Variants in UTRN observed in about 807,000 individuals in gnomAD.
UTRN encodes dystrophin-related protein 1.
UTRN carries 283 observed loss-of-function variants against 463.9 expected under a neutral mutation model. That is an observed-to-expected ratio of 0.61 (90% CI 0.55 to 0.67). UTRN has a LOEUF of 0.67. Among genes scored for constraint, UTRN ranks in the 30% least tolerant of loss-of-function variants. The pLI is 0.00. For synonymous variants in UTRN, 1,442 were observed against 1,431.5 expected, an observed-to-expected ratio of 1.01 and a Z score of -0.17; for missense variants, 3,922 against 4,084.3, an observed-to-expected ratio of 0.96 and a Z score of 1.08.
At chr6:144,470,732 G>A (rs1443439233) in intron 23 of UTRN, among the ~76,000 whole-genome samples, 4 of 152,094 alleles carry the variant, frequency 2.6e-5, no homozygotes, top group Middle Eastern at 3.4e-3. Flanking sequence ...TCCAGCCTGG[G>A]CAACATTGAG....
At chr6:144,473,933 A>G in intron 24 of UTRN, 100 bp downstream of exon 24, 1 of 702,888 alleles carries the variant, frequency 1.4e-6, no homozygotes, top group East Asian at 2.8e-5. Flanking sequence ...ATAGCATAGC[A>G]TTACATCTAG....
chr6:144,564,496 G>A (rs771219101), intron 50 of UTRN, among the ~76,000 whole-genome samples: 65 of 152,134 alleles, frequency 4.3e-4, no homozygotes, highest in Non-Finnish European at 7.9e-4. Context: ...GTATTAGTCC[G>A]TTTTCATACT....
chr6:144,497,487 C>T (rs1585020783), intron 33 of UTRN, among the ~76,000 whole-genome samples: 1 of 122,380 alleles, frequency 8.2e-6, no homozygotes, highest in Non-Finnish European at 1.7e-5. Flanking sequence ...CCAGCCTGGT[C>T]AACATGGCAA....
intron 39 of UTRN, among the ~76,000 whole-genome samples, chr6:144,521,288 A>AC (rs773051983): frequency 4.0e-5 from 6 of 151,588 alleles, no homozygotes; most frequent in African/African-American, 1.5e-4. Context: ...TCTGTCCTGC[A>AC]CCCCCCCAAA....
At chr6:144,850,423 A>C (rs1782392132) in intron 74 of UTRN, among the ~76,000 whole-genome samples, 1 of 152,116 alleles carries the variant, frequency 6.6e-6, no homozygotes, top group Admixed American at 6.5e-5. Flanking sequence ...CTAATTTCAA[A>C]ATCCTTTTAG....
intron 51 of UTRN, among the ~76,000 whole-genome samples, chr6:144,599,341 C>T (rs973960054): frequency 1.3e-5 from 2 of 152,034 alleles, no homozygotes; most frequent in African/African-American, 4.8e-5. Context: ...AGAGGTTAAA[C>T]AAATAATTAA....
intron 72 of UTRN, among the ~76,000 whole-genome samples, chr6:144,839,840 TTTG>T (rs1450464311): frequency 6.6e-6 from 1 of 152,150 alleles, no homozygotes; most frequent in Non-Finnish European, 1.5e-5. Flanking sequence ...CCAATGACAT[TTTG>T]TTATCAATTA....
chr6:144,615,688 T>G (rs1238180780), intron 51 of UTRN, among the ~76,000 whole-genome samples: 1 of 152,180 alleles, frequency 6.6e-6, no homozygotes, highest in African/African-American at 2.4e-5. Flanking sequence ...ATTTTCATGG[T>G]TAATCCATCA....
intron 51 of UTRN, among the ~76,000 whole-genome samples, chr6:144,641,258 G>A (rs969480951): frequency 6.6e-6 from 1 of 152,038 alleles, no homozygotes; most frequent in Non-Finnish European, 1.5e-5. Context: ...TGGAAGGGTG[G>A]GACAACTCAA....
chr6:144,471,111 A>AGAGGGG (rs1562451245), intron 23 of UTRN, among the ~76,000 whole-genome samples: 1 of 126,318 alleles, frequency 7.9e-6, no homozygotes, highest in African/African-American at 3.4e-5. Context: ...AGGGAGAGGG[A>AGAGGGG]TCTGTTTCTT....
chr6:144,782,248 A>T, intron 61 of UTRN, 125 bp downstream of exon 61: 1 of 814,224 alleles, frequency 1.2e-6, no homozygotes, highest in Non-Finnish European at 1.8e-6. Context: ...GGAAATATTT[A>T]TGTTTGTTGT....
At chr6:144,343,432 C>T (rs1777307175) in intron 2 of UTRN, among the ~76,000 whole-genome samples, 1 of 148,258 alleles carries the variant, frequency 6.7e-6, no homozygotes, top group Admixed American at 6.6e-5. Flanking sequence ...TGGTGGTGGG[C>T]ACCTGTAATC....
At chr6:144,395,401 GTTTT>G (rs397960296) in intron 2 of UTRN, among the ~76,000 whole-genome samples, 3 of 127,774 alleles carry the variant, frequency 2.3e-5, no homozygotes, top group Non-Finnish European at 3.4e-5. Flanking sequence ...AAGATGTTGA[GTTTT>G]TTTTTTTTTT....
intron 65 of UTRN, among the ~76,000 whole-genome samples, chr6:144,808,019 G>C (rs1778294646): frequency 6.6e-6 from 1 of 152,038 alleles, no homozygotes; most frequent in Admixed American, 6.6e-5. Context: ...CAAAGTTAAT[G>C]GTATGGATTT....
intron 73 of UTRN, 73 bp downstream of exon 73, chr6:144,840,905 C>G (rs1781518806): frequency 6.6e-7 from 1 of 1,506,806 alleles, no homozygotes; most frequent in East Asian, 2.3e-5. Context: ...TGCGGCCCTT[C>G]GCCTTCTTCC....
chr6:144,421,724 T>A (rs1380180387), intron 3 of UTRN, among the ~76,000 whole-genome samples, 154 bp from the exon 4 acceptor site: 2 of 150,296 alleles, frequency 1.3e-5, no homozygotes, highest in African/African-American at 5.0e-5. Context: ...AATAAATAAA[T>A]AAAAACCCCC....
At chr6:144,410,074 C>G (rs1247150217) in intron 3 of UTRN, among the ~76,000 whole-genome samples, 2 of 152,130 alleles carry the variant, frequency 1.3e-5, no homozygotes, top group Non-Finnish European at 2.9e-5. Flanking sequence ...GCTTGAAAAA[C>G]TGGAGACTGG....
Position 144,840,822 on chromosome 6 carries a change from A to G in UTRN, c.10260A>G (p.Pro3420=), listed in dbSNP as rs367814219. ...EVMEQIHSTF[P]SCCPNVPSRP... ...TGGAGCAGATTCACAGCACGTTTCCATCTTGCTGCCGTGAGTATGAAAGAT... is the reference window on the plus strand; with the variant it reads ...TGGAGCAGATTCACAGCACGTTTCCGTCTTGCTGCCGTGAGTATGAAAGAT... Residue 3420 remains proline, a synonymous_variant, in exon 73 of 75, where the codon CCA becomes CCG. Coordinates refer to ENST00000367545, the MANE Select transcript of UTRN (RefSeq NM_007124.3). 2 of 1,614,014 alleles carry G rather than the reference A, an allele frequency of 1.2e-6. No homozygotes were observed. Among genetic ancestry groups the G allele is most frequent in the Non-Finnish European group, 1.7e-6 (2 of 1,179,976 alleles).
rs753853656 is a variant in UTRN, at chr6:144,523,192, T to A, written c.5906+4T>A. 1.3e-6 allele frequency: 2 copies of A among 1,526,022 alleles called. No individual in the cohort carries two copies. The highest frequency in any genetic ancestry group is 4.7e-5 in the East Asian group (2 of 42,182). 94.5% of individuals were successfully genotyped at this position (1,526,022 alleles called of 1,614,324 possible). Reference sequence around the variant, plus strand: ...GAATGTACAGTGATCGGAAAGGGTATGTGTAAATGAAATTAATATTTAATT... The same window carrying A: ...GAATGTACAGTGATCGGAAAGGGTAAGTGTAAATGAAATTAATATTTAATT... On this transcript the variant is annotated splice_donor_region_variant and intron_variant, in intron 41 of 74. Coordinates refer to ENST00000367545, the MANE Select transcript of UTRN (RefSeq NM_007124.3).
Sources: gnomAD v4.1 joint callset for allele counts (sites outside exome capture counted in the v4.1 genomes callset) on GRCh38, gnomAD v4.1.1 for gene constraint, MANE v1.5 for transcripts, NCBI Gene and HGNC (gene_info 2026-07-23, HGNC 2026-07-21) for gene names.